The following KIF4A variants were observed in gnomAD, a reference collection of about 807,000 sequenced individuals.
The protein encoded by KIF4A is kinesin family member 4A, also known as chromosome-associated kinesin KIF4A.
KIF4A carries 7 observed loss-of-function variants against 105.9 expected under a neutral mutation model. That is an observed-to-expected ratio of 0.07 (90% CI 0.04 to 0.12). The LOEUF is 0.12. Among genes scored for constraint, KIF4A ranks in the 10% least tolerant of loss-of-function variants. The probability of loss-of-function intolerance (pLI) is 1.00; values close to 1 mark genes in which losing one functional copy is unlikely to be tolerated. For missense variants in KIF4A, 558 were observed against 929.2 expected, an observed-to-expected ratio of 0.60 and a Z score of 5.19; for synonymous variants, 281 against 331.3, an observed-to-expected ratio of 0.85 and a Z score of 1.65.
At position 70,395,781 on chromosome X, in the gene KIF4A, C is replaced by G. The variant is rs758740617; in HGVS notation, c.2343C>G (p.Leu781=). 1 of 1,210,677 alleles carries G rather than the reference C, an allele frequency of 8.3e-7. No homozygotes were observed. Among genetic ancestry groups the G allele is most frequent in the South Asian group, 1.8e-5 (1 of 56,815 alleles). The change falls in exon 21 of 31, where the codon CTC becomes CTG. Residue 781 remains leucine, a synonymous_variant. Coordinates refer to ENST00000374403, the MANE Select transcript of KIF4A (RefSeq NM_012310.5). ...RKILAQDVAQ[L]KEKKESGENP... is the part of the protein sequence containing the mutation. Reference sequence around the variant, plus strand: ...TCCTGGCTCAAGATGTGGCTCAACTCAAAGAAAAAAAGGAATCTGGGGAGA... The same window carrying G: ...TCCTGGCTCAAGATGTGGCTCAACTGAAAGAAAAAAAGGAATCTGGGGAGA...
At chrX:70,359,826 G>A (rs539898562) in intron 15 of KIF4A, among the ~76,000 whole-genome samples, 11 of 111,557 alleles carry the variant, frequency 9.9e-5, no homozygotes, top group Middle Eastern at 4.6e-3. Flanking sequence ...TTGCCTGCCC[G>A]CTTGTCAGAA....
intron 15 of KIF4A, among the ~76,000 whole-genome samples, chrX:70,370,550 A>T (rs2086126792): frequency 9.2e-6 from 1 of 109,065 alleles, no homozygotes; most frequent in Admixed American, 1.0e-4. Context: ...TTCTGTATGT[A>T]TAGAATATAG....
chrX:70,367,436 G>A (rs1326392531), intron 15 of KIF4A, among the ~76,000 whole-genome samples: 2 of 111,505 alleles, frequency 1.8e-5, no homozygotes, highest in East Asian at 5.6e-4. Context: ...GCTCTTTTAG[G>A]GCAGGCCTGG....
At chrX:70,292,551 G>T (rs939899161) in intron 3 of KIF4A, among the ~76,000 whole-genome samples, 4 of 112,288 alleles carry the variant, frequency 3.6e-5, no homozygotes, top group Non-Finnish European at 7.5e-5. Flanking sequence ...ACATGATTTT[G>T]ATTTATTCTA....
chrX:70,378,393 C>T (rs2086183316), intron 18 of KIF4A, among the ~76,000 whole-genome samples: 1 of 111,263 alleles, frequency 9.0e-6, no homozygotes, highest in African/African-American at 3.3e-5. Flanking sequence ...AGAGAGCAAA[C>T]TAAACCCAAA....
In KIF4A at chrX:70,373,578, G is replaced by A. The variant is rs1453167745; in HGVS notation, c.1675-573G>A. Among the ~76,000 whole-genome samples the A allele has an allele frequency of 2.5e-3, 36 of 14,508 alleles. 1 individual carries two copies. Among genetic ancestry groups the A allele is most frequent in the Non-Finnish European group, 4.8e-3 (33 of 6,858 alleles). The allele number at this position is 14,508 out of a possible 115,157, so 12.6% of individuals were successfully genotyped here. On this transcript the variant is annotated intron_variant, in intron 15 of 30. Transcript: ENST00000374403. Reference sequence around the variant, plus strand: ...TATACGTATATATATACATATATACGTGTATATATATACGTATATATATAC... The same window carrying A: ...TATACGTATATATATACATATATACATGTATATATATACGTATATATATAC...
intron 25 of KIF4A, among the ~76,000 whole-genome samples, chrX:70,405,584 C>T (rs188748769): frequency 9.0e-5 from 10 of 111,064 alleles, no homozygotes; most frequent in Admixed American, 1.9e-4. Context: ...GAAGGCTTGT[C>T]GGGCAGAGTC....
At chrX:70,383,061 C>T (rs1240059532) in intron 18 of KIF4A, among the ~76,000 whole-genome samples, 1 of 109,763 alleles carries the variant, frequency 9.1e-6, no homozygotes, top group Non-Finnish European at 1.9e-5. Context: ...GTGGCACATG[C>T]CTGTAATACC....
At chrX:70,340,175 C>A (rs1211923148) in intron 10 of KIF4A, among the ~76,000 whole-genome samples, 1 of 111,378 alleles carries the variant, frequency 9.0e-6, no homozygotes, top group Non-Finnish European at 1.9e-5. Flanking sequence ...CCTCAGTTTC[C>A]CTAGTTATAA....
At position 70,387,305 on chromosome X, in the gene KIF4A, C is replaced by A. The variant is rs927418523; in HGVS notation, c.2232+8C>A. 1.8e-6 allele frequency: 2 copies of A among 1,116,188 alleles called. No individual in the cohort carries two copies. The highest frequency in any genetic ancestry group is 2.0e-5 in the South Asian group (1 of 49,103). The allele number at this position is 1,116,188 out of a possible 1,213,427, so 92.0% of individuals were successfully genotyped here. ...ACTGCAGCTCGAGTGAAGGTATGAA[C>A]AACTTGAACTGCCATTTCTCTTGTG... On this transcript the variant is annotated splice_region_variant and intron_variant, in intron 20 of 30. Transcript: ENST00000374403.
chrX:70,337,410 C>G (rs2085954609), intron 10 of KIF4A, among the ~76,000 whole-genome samples: 1 of 111,814 alleles, frequency 8.9e-6, no homozygotes. Context: ...GTGGCTCATG[C>G]CTGTAATCCT....
intron 3 of KIF4A, among the ~76,000 whole-genome samples, chrX:70,293,706 T>A (rs1210423153): frequency 8.9e-6 from 1 of 111,966 alleles, no homozygotes; most frequent in Non-Finnish European, 1.9e-5. Flanking sequence ...TGGAAAATAT[T>A]TGTGATCTAA....
At chrX:70,350,584 C>T (rs1003244701) in intron 13 of KIF4A, among the ~76,000 whole-genome samples, 2 of 109,718 alleles carry the variant, frequency 1.8e-5, no homozygotes, top group African/African-American at 6.7e-5. Flanking sequence ...AGTCAGGAGG[C>T]TGAGGTGGGA....
At chrX:70,334,395 C>G (rs764137457) in intron 10 of KIF4A, among the ~76,000 whole-genome samples, 1 of 111,902 alleles carries the variant, frequency 8.9e-6, no homozygotes, top group Non-Finnish European at 1.9e-5. Flanking sequence ...ATACTGACAC[C>G]TCTGATACCA....
intron 15 of KIF4A, among the ~76,000 whole-genome samples, chrX:70,362,606 A>T (rs1465196526): frequency 9.0e-6 from 1 of 111,584 alleles, no homozygotes; most frequent in Non-Finnish European, 1.9e-5. Context: ...ATCTCTGCAC[A>T]CTGCAACCTC....
chrX:70,325,312 C>A (rs1474508663), intron 7 of KIF4A, among the ~76,000 whole-genome samples: 1 of 111,365 alleles, frequency 9.0e-6, no homozygotes. Flanking sequence ...CAAAATCTCA[C>A]TGTCACCCAA....
chrX:70,297,957 CAG>C (rs1290244966), intron 4 of KIF4A, among the ~76,000 whole-genome samples: 6 of 111,185 alleles, frequency 5.4e-5, no homozygotes, highest in Non-Finnish European at 9.4e-5. Context: ...AACTGGAAGA[CAG>C]GGGATTACAT....
chrX:70,333,798 A>T (rs976581771), intron 10 of KIF4A, 109 bp downstream of exon 10: 1 of 532,920 alleles, frequency 1.9e-6, no homozygotes, highest in Non-Finnish European at 3.1e-6. Context: ...TAAGGATCTT[A>T]CCAATTTTGC....
intron 18 of KIF4A, among the ~76,000 whole-genome samples, chrX:70,379,475 T>C (rs900147163): frequency 1.8e-5 from 2 of 111,914 alleles, no homozygotes; most frequent in African/African-American, 6.5e-5. Flanking sequence ...TGGTGAGTTC[T>C]ATCAAACATT....
Sources: allele counts gnomAD v4.1 joint callset (sites outside exome capture counted in the v4.1 genomes callset), GRCh38; gene constraint gnomAD v4.1.1; transcripts MANE v1.5; gene names NCBI Gene and HGNC (gene_info 2026-07-23, HGNC 2026-07-21).